The following EYA4 variants were observed in gnomAD, a reference collection of about 807,000 sequenced individuals.
EYA4 encodes protein phosphatase EYA4.
In EYA4, 31 loss-of-function variants were observed where a neutral mutation model predicts 87.9. The ratio of observed to expected loss-of-function variants is 0.35; its 90% CI spans 0.27 to 0.48. The LOEUF (loss-of-function observed/expected upper bound fraction) is 0.48. Ranked by LOEUF, EYA4 falls within the 20% of genes least tolerant of loss-of-function variation. The pLI is 0.99. For missense variants in EYA4, 678 were observed against 761.4 expected, an observed-to-expected ratio of 0.89 and a Z score of 1.29; for synonymous variants, 263 against 270.6, an observed-to-expected ratio of 0.97 and a Z score of 0.28.
At chr6:133,511,317 GA>G (rs1799114187) in intron 14 of EYA4, among the ~76,000 whole-genome samples, 1 of 151,870 alleles carries the variant, frequency 6.6e-6, no homozygotes, top group Admixed American at 6.6e-5. Flanking sequence ...CAAATTTAAT[GA>G]TTTTTTTTAA....
chr6:133,433,740 A>G (rs952350190), intron 3 of EYA4, among the ~76,000 whole-genome samples: 1 of 152,228 alleles, frequency 6.6e-6, no homozygotes, highest in Non-Finnish European at 1.5e-5. Flanking sequence ...GACATTGAAC[A>G]GCAGAATCAG....
intron 2 of EYA4, among the ~76,000 whole-genome samples, chr6:133,285,911 T>A (rs150925536): frequency 6.6e-6 from 1 of 152,234 alleles, no homozygotes; most frequent in East Asian, 1.9e-4. Flanking sequence ...CAGGTTGGGG[T>A]TGCAGATCAG....
chr6:133,510,861 G>C (rs1799079879), intron 14 of EYA4, among the ~76,000 whole-genome samples: 1 of 152,256 alleles, frequency 6.6e-6, no homozygotes, highest in Non-Finnish European at 1.5e-5. Context: ...ATTAGCATTT[G>C]TCTAGACTTC....
At chr6:133,335,222 C>T (rs1410789634) in intron 2 of EYA4, among the ~76,000 whole-genome samples, 2 of 152,146 alleles carry the variant, frequency 1.3e-5, no homozygotes, top group Non-Finnish European at 2.9e-5. Flanking sequence ...AGCAATGCAC[C>T]TGTGTATACC....
chr6:133,416,830 G>A (rs1054904391), intron 3 of EYA4, among the ~76,000 whole-genome samples: 2 of 152,188 alleles, frequency 1.3e-5, no homozygotes, highest in African/African-American at 4.8e-5. Flanking sequence ...ATGAATAGGA[G>A]AATAGGGCAA....
intron 19 of EYA4, 47 bp from the exon 20 acceptor site, chr6:133,528,678 A>C: frequency 2.4e-6 from 3 of 1,258,328 alleles, no homozygotes; most frequent in Non-Finnish European, 3.5e-6. Context: ...TCCATGCCTC[A>C]TTCCTTCCCC....
chr6:133,340,824 A>G (rs1367009791), intron 2 of EYA4, among the ~76,000 whole-genome samples: 1 of 152,116 alleles, frequency 6.6e-6, no homozygotes, highest in Non-Finnish European at 1.5e-5. Context: ...TGCTGATCTA[A>G]CTTTTCGAAA....
intron 10 of EYA4, among the ~76,000 whole-genome samples, chr6:133,467,285 T>G (rs541595299): frequency 1.3e-5 from 2 of 152,210 alleles, no homozygotes; most frequent in East Asian, 3.9e-4. Context: ...GCTCTGAAAC[T>G]TACTAGCTGT....
At chr6:133,527,834 G>A (rs551532581) in intron 19 of EYA4, among the ~76,000 whole-genome samples, 1 of 152,092 alleles carries the variant, frequency 6.6e-6, no homozygotes, top group Middle Eastern at 3.2e-3. Flanking sequence ...TATTCTAGAA[G>A]ATGTCATCAG....
At chr6:133,445,015 G>A (rs1792672497) in intron 3 of EYA4, among the ~76,000 whole-genome samples, 1 of 151,980 alleles carries the variant, frequency 6.6e-6, no homozygotes, top group Non-Finnish European at 1.5e-5. Context: ...TATATTCTTT[G>A]TTTGCTTCCC....
At chr6:133,284,293 C>A (rs1388504485) in intron 2 of EYA4, among the ~76,000 whole-genome samples, 1 of 152,128 alleles carries the variant, frequency 6.6e-6, no homozygotes, top group Admixed American at 6.5e-5. Flanking sequence ...CTCAGCCCCC[C>A]GAGTAGAGTA....
At chr6:133,461,037 C>G in intron 6 of EYA4, 77 bp from the exon 7 acceptor site, 4 of 958,992 alleles carry the variant, frequency 4.2e-6, no homozygotes, top group Non-Finnish European at 6.9e-6. Context: ...GTAATTTCTT[C>G]AAATTGGTTA....
chr6:133,461,334 C>A (rs1435689588), intron 7 of EYA4, among the ~76,000 whole-genome samples, 154 bp downstream of exon 7: 2 of 152,054 alleles, frequency 1.3e-5, no homozygotes, highest in African/African-American at 2.4e-5. Flanking sequence ...CTTGATGATT[C>A]CCTTGAATAT....
At chr6:133,398,122 G>C (rs112783893) in intron 3 of EYA4, among the ~76,000 whole-genome samples, 5 of 152,174 alleles carry the variant, frequency 3.3e-5, no homozygotes, top group Non-Finnish European at 5.9e-5. Flanking sequence ...AAAGAAAAGG[G>C]GGGGAGGACA....
intron 3 of EYA4, among the ~76,000 whole-genome samples, chr6:133,400,282 G>A (rs1322638491): frequency 1.3e-5 from 2 of 152,058 alleles, no homozygotes; most frequent in Non-Finnish European, 2.9e-5. Context: ...GGCCAAGGTG[G>A]GCGGATCAAG....
At chr6:133,428,903 T>C (rs1391696277) in intron 3 of EYA4, among the ~76,000 whole-genome samples, 7 of 140,956 alleles carry the variant, frequency 5.0e-5, no homozygotes, top group African/African-American at 1.8e-4. Flanking sequence ...TGAGGGTAGA[T>C]TTAGCTTCTT....
chr6:133,270,580 T>C (rs1044589409), intron 1 of EYA4, among the ~76,000 whole-genome samples: 1 of 152,184 alleles, frequency 6.6e-6, no homozygotes, highest in African/African-American at 2.4e-5. Context: ...ACTAACTTCT[T>C]CTACTACCCA....
At chr6:133,280,872 C>T (rs1777566589) in intron 2 of EYA4, among the ~76,000 whole-genome samples, 1 of 152,138 alleles carries the variant, frequency 6.6e-6, no homozygotes, top group African/African-American at 2.4e-5. Context: ...TCCCCATTCC[C>T]CCGATGAGCA....
At chr6:133,269,078 G>T (rs536339280) in intron 1 of EYA4, among the ~76,000 whole-genome samples, 21 of 152,114 alleles carry the variant, frequency 1.4e-4, no homozygotes, top group Non-Finnish European at 2.4e-4. Flanking sequence ...GGCCAACATG[G>T]TGAGACCCTG....
Sources: allele counts gnomAD v4.1 joint callset (sites outside exome capture counted in the v4.1 genomes callset), GRCh38; gene constraint gnomAD v4.1.1; transcripts MANE v1.5; gene names NCBI Gene and HGNC (gene_info 2026-07-23, HGNC 2026-07-21).